The following GRIK5 variants were observed in gnomAD, a reference collection of about 807,000 sequenced individuals.
GRIK5 encodes the protein glutamate receptor ionotropic, kainate 5.
Under a neutral mutation model 97.4 loss-of-function variants are expected in GRIK5, and 43 were observed. The observed-to-expected ratio is 0.44, with a 90% confidence interval of 0.35 to 0.57. The LOEUF is 0.57. Ranked by LOEUF, GRIK5 falls within the 20% of genes least tolerant of loss-of-function variation. The probability of loss-of-function intolerance (pLI) is 0.01; values close to 1 mark genes in which losing one functional copy is unlikely to be tolerated. For synonymous variants in GRIK5, 580 were observed against 583.5 expected (o/e 0.99, Z 0.09); for missense variants, 1,015 against 1,382.0 (o/e 0.73, Z 4.21).
Position 42,022,370 on chromosome 19 carries a change from C to T in GRIK5, c.1474-16G>A, listed in dbSNP as rs1354435651. ...GGTCTGCCTTCTGCTGGAGGGGAAGCCGGGCAGGGGTGGAGGGGGACAGAG... is the reference window on the plus strand; with the variant it reads ...GGTCTGCCTTCTGCTGGAGGGGAAGTCGGGCAGGGGTGGAGGGGGACAGAG... On this transcript the variant is annotated splice_polypyrimidine_tract_variant and intron_variant, in intron 12 of 19. Coordinates refer to ENST00000593562, the MANE Select transcript of GRIK5 (RefSeq NM_002088.5). This position sits in a 1 kb window ranked among gnomAD's most constrained non-coding sequence, Gnocchi z 4.2. 6.2e-7 allele frequency: 1 copy of T among 1,603,968 alleles called. No homozygotes were observed. The highest frequency in any genetic ancestry group is 8.5e-7 in the Non-Finnish European group (1 of 1,171,968).
chr19:42,065,301 C>T lies in GRIK5; in HGVS notation c.166G>A (p.Glu56Lys), dbSNP rs761680860. The change falls in exon 3 of 20, where the codon GAG becomes AAG. Residue 56 changes from glutamate to lysine, a missense_variant. Physicochemically the swap from Glu to Lys is moderately conservative, Grantham distance 56. Around this residue, in one of 5 missense-constraint regions of GRIK5, gnomAD observed 198 missense variants for 218.2 expected, o/e 0.91. Coordinates refer to ENST00000593562, the MANE Select transcript of GRIK5 (RefSeq NM_002088.5). The surrounding 1 kb of genome is among the most constrained non-coding windows in gnomAD (Gnocchi z 5.8). Reference sequence around the variant, plus strand: ...TCCACTCGGGCCTTGGCTGGGACCTCGATGATCCCGTTGATCTGCTCCCGG... The same window carrying T: ...TCCACTCGGGCCTTGGCTGGGACCTTGATGATCCCGTTGATCTGCTCCCGG... ...LAREQINGII[E>K]VPAKARVEVD... 17 of 1,612,926 alleles carry T rather than the reference C, an allele frequency of 1.1e-5. No homozygotes were observed. Among genetic ancestry groups the T allele is most frequent in the Middle Eastern group, 1.6e-4 (1 of 6,080 alleles).
intron 15 of GRIK5, among the ~76,000 whole-genome samples, chr19:42,018,155 A>AAG (rs1481989912): frequency 6.8e-6 from 1 of 146,970 alleles, no homozygotes; most frequent in East Asian, 2.0e-4. Context: ...CTACTAAAAA[A>AAG]AAAAAAAAAA....
At chr19:42,068,802 G>A in intron 1 of GRIK5, 1 of 596,866 alleles carries the variant, frequency 1.7e-6, no homozygotes, top group Non-Finnish European at 3.0e-6. Context: ...GGGCTCAAAA[G>A]CGGAAAGACA....
Position 41,998,970 on chromosome 19 carries a change from G to T in GRIK5, c.2844C>A (p.Gly948=), listed in dbSNP as rs1337889444. The T allele has an allele frequency of 8.6e-7, 1 of 1,163,492 alleles. No individual in the cohort carries two copies. The highest frequency in any genetic ancestry group is 1.1e-6 in the Non-Finnish European group (1 of 940,796). 72.1% of individuals were successfully genotyped at this position (1,163,492 alleles called of 1,614,324 possible). ...RIQALRASGA[G]APPRGLGVPA... ...GGACGCCCAGGCCACGCGGAGGCGC[G>T]CCGGCCCCCGAGGCCCGCAGCGCCT... is the stretch of plus-strand genomic sequence containing the variant. The change falls in exon 20 of 20, where the codon GGC becomes GGA. Residue 948 remains glycine, a synonymous_variant. Transcript: ENST00000593562.
At chr19:42,046,949 G>A (rs919621567) in intron 11 of GRIK5, among the ~76,000 whole-genome samples, 2 of 152,176 alleles carry the variant, frequency 1.3e-5, no homozygotes, top group Middle Eastern at 6.8e-3. Context: ...GTGTAGTGGT[G>A]CAATCTCGGC....
At chr19:42,046,553 C>A (rs1051977600) in intron 11 of GRIK5, among the ~76,000 whole-genome samples, 3 of 152,098 alleles carry the variant, frequency 2.0e-5, no homozygotes, top group Non-Finnish European at 4.4e-5. Context: ...GTAGTGAGAA[C>A]AAAGACTGAA....
intron 1 of GRIK5, chr19:42,068,513 G>C (rs2076373251): frequency 1.0e-5 from 4 of 387,330 alleles, no homozygotes; most frequent in Non-Finnish European, 1.8e-5. Context: ...CGGGCACCCA[G>C]AGTGGATCTG....
At chr19:42,007,090 CTTTTTTCTTTT>C (rs2075501311) in intron 15 of GRIK5, among the ~76,000 whole-genome samples, 1 of 151,196 alleles carries the variant, frequency 6.6e-6, no homozygotes. Flanking sequence ...ATACAGGAAA[CTTTTTTCTTTT>C]TTTTTTTTTT....
At chr19:42,060,118 T>TC (rs1270887470) in intron 5 of GRIK5, among the ~76,000 whole-genome samples, 1 of 151,624 alleles carries the variant, frequency 6.6e-6, no homozygotes, top group Non-Finnish European at 1.5e-5. Flanking sequence ...TCAGTCAGAG[T>TC]CCTAGAGGCC....
At position 42,021,712 on chromosome 19, in the gene GRIK5, G is replaced by A. The variant is rs1222917897; in HGVS notation, c.1697+235C>T. Reference sequence around the variant, plus strand: ...ATAGAGAAGGGAGGAGGCAAAAAAGGGAGAGGCGGGAAGGGGAGAGACCTG... The same window carrying A: ...ATAGAGAAGGGAGGAGGCAAAAAAGAGAGAGGCGGGAAGGGGAGAGACCTG... On this transcript the variant is annotated intron_variant, in intron 14 of 19. Transcript: ENST00000593562. The surrounding 1 kb of genome is among the most constrained non-coding windows in gnomAD (Gnocchi z 4.2). 6.6e-6 allele frequency among the ~76,000 whole-genome samples: 1 copy of A among 152,144 alleles called. No homozygotes were observed. Among genetic ancestry groups the A allele is most frequent in the African/African-American group, 2.4e-5 (1 of 41,420 alleles).
chr19:42,055,682 CT>C (rs1275068679), intron 8 of GRIK5, among the ~76,000 whole-genome samples: 9 of 149,466 alleles, frequency 6.0e-5, no homozygotes, highest in African/African-American at 1.2e-4. Context: ...GGTAGTTTAC[CT>C]TTTTTTTTTC....
At chr19:42,057,023 C>G in intron 6 of GRIK5, 45 bp from the exon 7 acceptor site, 1 of 1,446,130 alleles carries the variant, frequency 6.9e-7, no homozygotes, top group South Asian at 1.2e-5. Flanking sequence ...AGACAGAGAC[C>G]CACAGGCAGA....
chr19:42,049,596 T>TGA (rs2076086440), intron 11 of GRIK5, among the ~76,000 whole-genome samples: 1 of 152,082 alleles, frequency 6.6e-6, no homozygotes, highest in Non-Finnish European at 1.5e-5. Context: ...TGACGGAAGC[T>TGA]GAGATGGGGG....
At chr19:42,056,886 AG>A in intron 7 of GRIK5, 38 bp downstream of exon 7, 1 of 1,611,360 alleles carries the variant, frequency 6.2e-7, no homozygotes, top group Non-Finnish European at 8.5e-7. Context: ...TGTGATGGGA[AG>A]GAAGTGGGGG....
Position 42,059,445 on chromosome 19 carries a change from C to T in GRIK5, c.591G>A (p.Arg197=). 2 of 1,613,906 alleles carry T rather than the reference C, an allele frequency of 1.2e-6. No individual in the cohort carries two copies. Among genetic ancestry groups the T allele is most frequent in the Non-Finnish European group, 1.7e-6 (2 of 1,179,948 alleles). The change falls in exon 6 of 20, where the codon CGG becomes CGA. Residue 197 remains arginine (R), a synonymous_variant. Transcript: ENST00000593562. ...TLSVRMLDDS[R]DPTPLLKEIR... ...TCTCCTTGAGCAGTGGTGTGGGGTC[C>T]CGGCTGTCGTCCAACATCCTCACTG...
chr19:42,065,702 T>G lies in GRIK5; in HGVS notation c.69A>C (p.Ser23=). ...FASPSCQVLS[S]LRMAAILDDQ... ...GCGGGAGGGCCTCACCCATGCGCAG[T>G]GATGAGAGCACCTGGCAGCTGGGGC... Residue 23 remains serine, a synonymous_variant, in exon 2 of 20, where the codon TCA becomes TCC. Coordinates refer to ENST00000593562, the MANE Select transcript of GRIK5 (RefSeq NM_002088.5). This position sits in a 1 kb window ranked among gnomAD's most constrained non-coding sequence, Gnocchi z 5.8. 6.3e-7 allele frequency: 1 copy of G among 1,591,530 alleles called. No individual in the cohort carries two copies. Among genetic ancestry groups the G allele is most frequent in the Non-Finnish European group, 8.5e-7 (1 of 1,170,716 alleles).
At chr19:42,049,264 G>A (rs548069324) in intron 11 of GRIK5, among the ~76,000 whole-genome samples, 5 of 152,198 alleles carry the variant, frequency 3.3e-5, no homozygotes, top group African/African-American at 9.6e-5. Flanking sequence ...TTTACAATAC[G>A]TGATAAAGCT....
intron 19 of GRIK5, among the ~76,000 whole-genome samples, chr19:42,001,053 C>T (rs1018469404): frequency 2.0e-5 from 3 of 152,102 alleles, no homozygotes; most frequent in Non-Finnish European, 2.9e-5. Flanking sequence ...CAACCTCCCC[C>T]TTTACCTAAC....
intron 11 of GRIK5, among the ~76,000 whole-genome samples, chr19:42,043,660 C>T (rs745964007): frequency 5.3e-5 from 8 of 152,080 alleles, no homozygotes; most frequent in South Asian, 2.1e-4. Context: ...GATCCGCCCA[C>T]CTCGGCCTCC....
Sources: allele counts gnomAD v4.1 joint callset (sites outside exome capture counted in the v4.1 genomes callset), GRCh38; gene constraint gnomAD v4.1.1; regional missense constraint gnomAD v4.1.1; non-coding constraint Gnocchi (gnomAD v3.1); transcripts MANE v1.5; gene names NCBI Gene and HGNC (gene_info 2026-07-23, HGNC 2026-07-21).